Variants in PCDHA6 observed in about 807,000 individuals in gnomAD.
PCDHA6 encodes protocadherin alpha 6.
In PCDHA6, 55 loss-of-function variants were observed where a neutral mutation model predicts 60.3. The ratio of observed to expected loss-of-function variants is 0.91; its 90% confidence interval spans 0.73 to 1.14. PCDHA6 has a LOEUF of 1.14. Ranked by LOEUF, PCDHA6 falls within the 50% of genes most tolerant of loss-of-function variation. The pLI, the probability that PCDHA6 is intolerant of heterozygous loss-of-function variation, is 0.00. For synonymous variants in PCDHA6, 652 were observed against 557.9 expected, an observed-to-expected ratio of 1.17 and a Z score of -2.38; for missense variants, 1,327 against 1,256.5, an observed-to-expected ratio of 1.06 and a Z score of -0.85.
intron 1 of PCDHA6, chr5:140,870,544 G>T: frequency 6.2e-7 from 1 of 1,614,124 alleles, no homozygotes. Context: ...GGCGCGGGAC[G>T]CGGACGCGCA....
intron 1 of PCDHA6, chr5:140,881,269 G>T (rs1016077757): frequency 3.1e-6 from 2 of 648,656 alleles, no homozygotes; most frequent in Non-Finnish European, 1.9e-6. Context: ...CAGTGATGAT[G>T]AAGTAAGATG....
chr5:140,849,155 C>G (rs1169680334), intron 1 of PCDHA6: 5 of 1,223,436 alleles, frequency 4.1e-6, no homozygotes, highest in Non-Finnish European at 4.5e-6. Context: ...GAGGCAAACC[C>G]GAGCTGACTG....
intron 1 of PCDHA6, among the ~76,000 whole-genome samples, chr5:140,964,317 G>A (rs1042787994): frequency 2.0e-5 from 3 of 152,218 alleles, no homozygotes; most frequent in Non-Finnish European, 4.4e-5. Context: ...GCCTAAAACA[G>A]CATAATGGAC....
intron 3 of PCDHA6, among the ~76,000 whole-genome samples, chr5:141,005,628 G>C: frequency 6.7e-6 from 1 of 148,974 alleles, no homozygotes; most frequent in Non-Finnish European, 1.5e-5. Context: ...CGTGAACCCG[G>C]GAGGCGGAGC....
intron 1 of PCDHA6, chr5:140,966,716 G>T: frequency 1.4e-6 from 2 of 1,394,682 alleles, no homozygotes; most frequent in Non-Finnish European, 9.2e-7. Context: ...CACGGCTGGG[G>T]AAGCTGCCGC....
At chr5:140,898,961 G>A (rs1405112699) in intron 1 of PCDHA6, among the ~76,000 whole-genome samples, 1 of 152,036 alleles carries the variant, frequency 6.6e-6, no homozygotes, top group African/African-American at 2.4e-5. Flanking sequence ...AGTTGTGAAT[G>A]GGAGTTCACT....
At chr5:140,971,181 C>T (rs1364149664) in intron 1 of PCDHA6, among the ~76,000 whole-genome samples, 1 of 152,104 alleles carries the variant, frequency 6.6e-6, no homozygotes, top group Non-Finnish European at 1.5e-5. Context: ...AGCTGTAAGC[C>T]GGAAGCTCAG....
Position 140,828,833 on chromosome 5 carries a change from G to C in PCDHA6, c.742G>C (p.Glu248Gln), listed in dbSNP as rs149898673. The C allele has an allele frequency of 2.4e-5, 39 of 1,614,188 alleles. No homozygotes were observed. In the African/African-American group the frequency reaches 3.6e-4, roughly 15 times the overall value. Residue 248 changes from glutamate (E) to glutamine (Q), a missense_variant, in exon 1 of 4, where the codon GAA becomes CAA. Coordinates refer to ENST00000529310, the MANE Select transcript of PCDHA6 (RefSeq NM_018909.4). Reference protein sequence around the residue: ...NAPTFEQSEYEVRIFENADNG... With the variant: ...NAPTFEQSEYQVRIFENADNG... ...TCCCACTTTCGAACAGTCTGAATAC[G>C]AAGTAAGAATATTCGAAAATGCAGA...
At chr5:141,003,771 T>G (rs1301111940) in intron 3 of PCDHA6, among the ~76,000 whole-genome samples, 4 of 152,250 alleles carry the variant, frequency 2.6e-5, no homozygotes, top group African/African-American at 9.6e-5. Context: ...CGTATTCTGT[T>G]AAATAAACTT....
At chr5:140,870,279 T>C (rs1047130885) in intron 1 of PCDHA6, 3 of 1,614,120 alleles carry the variant, frequency 1.9e-6, no homozygotes, top group Non-Finnish European at 2.5e-6. Context: ...CGCCCCACGT[T>C]CCCTTCAAGC....
chr5:140,884,304 C>T (rs1562802468), intron 1 of PCDHA6: 1 of 1,613,710 alleles, frequency 6.2e-7, no homozygotes, highest in East Asian at 2.2e-5. Context: ...CCACAGGCTT[C>T]GTCGAGGGCG....
In PCDHA6 at chr5:140,828,449, G is replaced by A. The variant is rs2150155406; in HGVS notation, c.358G>A (p.Asp120Asn). 6.2e-7 allele frequency: 1 copy of A among 1,614,280 alleles called. No individual in the cohort carries two copies. The highest frequency in any genetic ancestry group is 1.3e-5 in the African/African-American group (1 of 75,074). ...CAGGCCGCTGCAGGTTTTCCATGTG[G>A]ACGTGGAGGTGAGGGACATTAACGA... The part of the protein sequence containing the change: ...VDRPLQVFHV[D>N]VEVRDINDNP... The change falls in exon 1 of 4, where the codon GAC becomes AAC. Residue 120 changes from aspartate (D) to asparagine (N), a missense_variant. Transcript: ENST00000529310.
At chr5:140,969,251 A>T in intron 1 of PCDHA6, 3 of 1,614,262 alleles carry the variant, frequency 1.9e-6, no homozygotes, top group Non-Finnish European at 2.5e-6. Context: ...AGTGACTGAC[A>T]GCAGGAATCT....
In PCDHA6 at chr5:140,883,374, T is replaced by G. The variant is rs1554177931; in HGVS notation, c.2394+52889T>G. The G allele has an allele frequency of 2.5e-6, 4 of 1,614,054 alleles. No individual in the cohort carries two copies. The African/African-American group carries it at 5.3e-5, about 22-fold the overall frequency. On this transcript the variant is annotated intron_variant, in intron 1 of 3. Transcript: ENST00000529310. ...GAAGACACTCAGCCTAGCGCCATTA[T>G]TGCCCTAATCAGTGTGTCCGATCGT...
intron 1 of PCDHA6, among the ~76,000 whole-genome samples, chr5:140,949,947 A>G (rs1554219242): frequency 6.6e-6 from 1 of 151,676 alleles, no homozygotes; most frequent in African/African-American, 2.4e-5. Flanking sequence ...TGCATTTTTT[A>G]GTGGTTGCTG....
rs545226629 is a variant in PCDHA6, at chr5:140,856,253, A to G, written c.2394+25768A>G. ...GCGCCTGTTCCGGGTGGCGTCCAAA[A>G]GACACGGGGACCTTCTGGAGGTAAA... On this transcript the variant is annotated intron_variant, in intron 1 of 3. Transcript: ENST00000529310. 2.5e-6 allele frequency: 4 copies of G among 1,597,916 alleles called. No individual in the cohort carries two copies. The African/African-American group carries it at 4.0e-5, about 16-fold the overall frequency.
chr5:140,850,423 C>T (rs782005281), intron 1 of PCDHA6: 4 of 1,597,882 alleles, frequency 2.5e-6, no homozygotes, highest in South Asian at 1.1e-5. Context: ...ACGGACGCAC[C>T]GCGCCAGCGC....
chr5:140,928,645 G>A (rs782494285), intron 1 of PCDHA6: 4 of 1,614,084 alleles, frequency 2.5e-6, no homozygotes, highest in Non-Finnish European at 2.5e-6. Context: ...AAAAGTGGTA[G>A]CAGAGGATGC....
chr5:140,884,183 G>A (rs201206731), intron 1 of PCDHA6: 1 of 1,613,424 alleles, frequency 6.2e-7, no homozygotes, highest in Non-Finnish European at 8.5e-7. Flanking sequence ...CCCTCTGGAC[G>A]AGGTGGACGC....
Sources: gnomAD v4.1 joint callset for allele counts (sites outside exome capture counted in the v4.1 genomes callset) on GRCh38, gnomAD v4.1.1 for gene constraint, MANE v1.5 for transcripts, NCBI Gene and HGNC (gene_info 2026-07-23, HGNC 2026-07-21) for gene names.